The following EYS variants were observed in gnomAD, a reference collection of about 807,000 sequenced individuals.
The protein encoded by EYS is protein eyes shut homolog.
EYS carries 250 observed loss-of-function variants against 282.1 expected under a neutral mutation model. That is an observed-to-expected ratio of 0.89 (90% CI 0.80 to 0.98). The LOEUF is 0.98. Among genes scored for constraint, EYS ranks in the 50% least tolerant of loss-of-function variants. EYS has a pLI of 0.00. For synonymous variants in EYS, 1,355 were observed against 1,282.9 expected (o/e 1.06, Z -1.20); for missense variants, 4,016 against 3,709.0 (o/e 1.08, Z -2.15).
chr6:65,404,005 T>C lies in EYS; in HGVS notation c.1056+1169A>G, dbSNP rs115246815. Among the ~76,000 whole-genome samples the C allele has an allele frequency of 4.5e-3, 681 of 152,142 alleles. 1 individual carries two copies. Among genetic ancestry groups the C allele is most frequent in the South Asian group, 0.011 (51 of 4,830 alleles). ...TTGAAGCAACAACAACAACAAAAAA[T>C]CATTATCTTAGAGTTCCAGAGGTCA... On this transcript the variant is annotated intron_variant, in intron 6 of 42. Coordinates refer to ENST00000503581, the MANE Select transcript of EYS (RefSeq NM_001142800.2).
intron 19 of EYS, among the ~76,000 whole-genome samples, chr6:64,886,116 C>A (rs1767077088): frequency 6.6e-6 from 1 of 151,810 alleles, no homozygotes; most frequent in Non-Finnish European, 1.5e-5. Context: ...TATGCCAAAA[C>A]TAAAACAATA....
intron 10 of EYS, among the ~76,000 whole-genome samples, chr6:65,337,321 T>C (rs1241233022): frequency 1.3e-5 from 2 of 151,530 alleles, no homozygotes; most frequent in East Asian, 3.9e-4. Flanking sequence ...TGTGTCTGTA[T>C]GTCTATGTGT....
chr6:65,542,284 T>A (rs1181910043), intron 2 of EYS, among the ~76,000 whole-genome samples: 3 of 152,180 alleles, frequency 2.0e-5, no homozygotes, highest in Non-Finnish European at 4.4e-5. Flanking sequence ...TATCTTCCAA[T>A]AATAGCTAGA....
intron 22 of EYS, among the ~76,000 whole-genome samples, chr6:64,778,281 G>A (rs746204878): frequency 3.9e-5 from 6 of 152,148 alleles, no homozygotes; most frequent in Non-Finnish European, 7.4e-5. Context: ...AAGGAGAGGA[G>A]ACACATTTGA....
At chr6:65,539,190 G>A (rs1264787117) in intron 2 of EYS, among the ~76,000 whole-genome samples, 1 of 152,136 alleles carries the variant, frequency 6.6e-6, no homozygotes, top group Admixed American at 6.5e-5. Context: ...ATGCATCATT[G>A]CATCACTAAG....
chr6:64,802,023 CTTTTTTTTTCT>C (rs1298797938), intron 22 of EYS, among the ~76,000 whole-genome samples: 4 of 70,780 alleles, frequency 5.7e-5, no homozygotes, highest in South Asian at 6.2e-4. Flanking sequence ...ATTTCTTTTT[CTTTTTTTTTCT>C]TTTTTTTTTT....
intron 1 of EYS, among the ~76,000 whole-genome samples, chr6:65,664,372 AAAG>A (rs1203458412): frequency 2.0e-5 from 3 of 152,162 alleles, no homozygotes; most frequent in Non-Finnish European, 2.9e-5. Context: ...GGAGTAAAGA[AAAG>A]AAGAACATCA....
rs180754665 is a variant in EYS, at chr6:64,193,600, G to A, written c.6424+36992C>T. On this transcript the variant is annotated intron_variant, in intron 31 of 42. Coordinates refer to ENST00000503581, the MANE Select transcript of EYS (RefSeq NM_001142800.2). ...TGTGCCATGTTGGTGTACTGCACCC[G>A]TTAACTCATCATTTACATTAGGTAT... Among the ~76,000 whole-genome samples, 751 of 152,050 alleles carry A rather than the reference G, an allele frequency of 4.9e-3. 1 individual carries two copies. The highest frequency in any genetic ancestry group is 0.017 in the African/African-American group (705 of 41,454).
At chr6:65,367,670 C>T (rs1258865543) in intron 8 of EYS, among the ~76,000 whole-genome samples, 1 of 151,554 alleles carries the variant, frequency 6.6e-6, no homozygotes, top group African/African-American at 2.4e-5. Flanking sequence ...TCCTTTGGTG[C>T]TTACTCTTGT....
chr6:64,068,603 A>T (rs1295264159), intron 32 of EYS, among the ~76,000 whole-genome samples: 1 of 152,024 alleles, frequency 6.6e-6, no homozygotes, highest in East Asian at 1.9e-4. Flanking sequence ...ACATGTAAAC[A>T]TGTGTAACAA....
intron 12 of EYS, among the ~76,000 whole-genome samples, chr6:65,148,651 G>A (rs1014197358): frequency 1.3e-5 from 2 of 152,072 alleles, no homozygotes; most frequent in African/African-American, 4.8e-5. Context: ...CCAGTAGGCA[G>A]TGCTCTAGTA....
intron 12 of EYS, among the ~76,000 whole-genome samples, chr6:65,096,497 T>C (rs1363711493): frequency 9.3e-5 from 14 of 150,844 alleles, no homozygotes; most frequent in Non-Finnish European, 1.6e-4. Flanking sequence ...AAAAAAATTG[T>C]GAAATTTGTA....
At chr6:65,162,643 C>A (rs1264231385) in intron 12 of EYS, among the ~76,000 whole-genome samples, 1 of 144,116 alleles carries the variant, frequency 6.9e-6, no homozygotes, top group African/African-American at 2.7e-5. Flanking sequence ...AAAACTATTA[C>A]ATAAATATAT....
chr6:65,182,831 C>A (rs1274690420), intron 12 of EYS, among the ~76,000 whole-genome samples: 1 of 151,952 alleles, frequency 6.6e-6, no homozygotes, highest in African/African-American at 2.4e-5. Flanking sequence ...CTCTATCACC[C>A]AGGCTGGAGT....
At chr6:65,167,203 T>A (rs1562000562) in intron 12 of EYS, among the ~76,000 whole-genome samples, 1 of 151,170 alleles carries the variant, frequency 6.6e-6, no homozygotes, top group Admixed American at 6.6e-5. Context: ...TGACAACATA[T>A]ACCCACACAA....
At chr6:64,832,044 G>T (rs1765234663) in intron 19 of EYS, among the ~76,000 whole-genome samples, 1 of 151,826 alleles carries the variant, frequency 6.6e-6, no homozygotes, top group East Asian at 1.9e-4. Context: ...GATTAAAAAT[G>T]AAAGATATTA....
chr6:65,525,014 T>A (rs1305250931), intron 2 of EYS, among the ~76,000 whole-genome samples: 1 of 151,974 alleles, frequency 6.6e-6, no homozygotes, highest in Non-Finnish European at 1.5e-5. Context: ...GGCCCATGCA[T>A]AATTTCCATC....
chr6:65,642,113 T>A (rs1767296270), intron 1 of EYS, among the ~76,000 whole-genome samples: 1 of 152,106 alleles, frequency 6.6e-6, no homozygotes, highest in Non-Finnish European at 1.5e-5. Context: ...ATCTGAGAGG[T>A]ACTCAATACA....
chr6:65,351,151 T>A (rs1764257884), intron 9 of EYS, among the ~76,000 whole-genome samples: 3 of 151,802 alleles, frequency 2.0e-5, no homozygotes, highest in South Asian at 2.1e-4. Context: ...CACTGCTGAA[T>A]CTTCATATTG....
Sources: gnomAD v4.1 joint callset for allele counts (sites outside exome capture counted in the v4.1 genomes callset) on GRCh38, gnomAD v4.1.1 for gene constraint, MANE v1.5 for transcripts, NCBI Gene and HGNC (gene_info 2026-07-23, HGNC 2026-07-21) for gene names.